The following SEPTIN3 variants were observed in gnomAD, a reference collection of about 807,000 sequenced individuals.
SEPTIN3 encodes the protein septin 3.
SEPTIN3 carries 15 observed loss-of-function variants against 45.1 expected under a neutral mutation model. The observed-to-expected ratio is 0.33, with a 90% CI of 0.22 to 0.51. SEPTIN3 has a LOEUF of 0.51. SEPTIN3 is among the 20% of genes least tolerant of loss of function. The probability of loss-of-function intolerance (pLI) is 0.97; values close to 1 mark genes in which losing one functional copy is unlikely to be tolerated. For synonymous variants in SEPTIN3, 148 were observed against 164.8 expected, an observed-to-expected ratio of 0.90 and a Z score of 0.78; for missense variants, 289 against 457.2, an observed-to-expected ratio of 0.63 and a Z score of 3.35.
intron 3 of SEPTIN3, 69 bp from the exon 4 acceptor site, chr22:41,985,915 T>C (rs1199236892): frequency 2.0e-6 from 3 of 1,510,452 alleles, no homozygotes; most frequent in Admixed American, 2.1e-5. Flanking sequence ...TCTGTAAGCT[T>C]ATGGAGAAAT....
At chr22:41,979,911 A>T (rs1225055596) in intron 2 of SEPTIN3, among the ~76,000 whole-genome samples, 1 of 151,846 alleles carries the variant, frequency 6.6e-6, no homozygotes, top group African/African-American at 2.4e-5. Context: ...TAAGGTTGAG[A>T]CTCTGCAGGG....
At chr22:41,986,664 T>C (rs1212461367) in intron 4 of SEPTIN3, among the ~76,000 whole-genome samples, 1 of 152,050 alleles carries the variant, frequency 6.6e-6, no homozygotes, top group Non-Finnish European at 1.5e-5. Context: ...CACGCCCGGC[T>C]AATTTTTTTT....
chr22:41,979,186 C>T (rs1272349577), intron 2 of SEPTIN3, among the ~76,000 whole-genome samples: 1 of 152,088 alleles, frequency 6.6e-6, no homozygotes, highest in African/African-American at 2.4e-5. Context: ...GTGGTAGCCC[C>T]TAGATGCTGC....
At chr22:41,982,514 A>T (rs1461526524) in intron 3 of SEPTIN3, among the ~76,000 whole-genome samples, 1 of 151,646 alleles carries the variant, frequency 6.6e-6, no homozygotes, top group African/African-American at 2.4e-5. Context: ...GCCTCAAAAC[A>T]AAAAACAAAA....
intron 7 of SEPTIN3, among the ~76,000 whole-genome samples, chr22:41,990,547 C>A (rs1474581582): frequency 7.1e-6 from 1 of 141,604 alleles, no homozygotes; most frequent in Non-Finnish European, 1.5e-5. Flanking sequence ...AGATCAAGAC[C>A]ATCCTGGCTA....
rs2078033338 is a variant in SEPTIN3 at position 41,976,892 on chromosome 22, C to G, written c.1504+3896C>G. The G allele has an allele frequency of 4.8e-6, 1 of 208,784 alleles. No individual in the cohort carries two copies. The highest frequency in any genetic ancestry group is 8.2e-6 in the Non-Finnish European group (1 of 121,344). The allele number at this position is 208,784 out of a possible 1,614,324, so 12.9% of individuals were successfully genotyped here. A position where few individuals can be genotyped will look rare whatever the true frequency, so the allele number is the denominator to read the frequency against. On this transcript the variant is annotated intron_variant, in intron 2 of 11. Transcript: ENST00000644076. This position sits in a 1 kb window ranked among gnomAD's most constrained non-coding sequence, Gnocchi z 5.8. ...AGGTCCCGGGGAGGGCGCGGCGGCG[C>G]GGGGCGCAGGGGCGGCGCGGCGGGG...
chr22:41,977,037 C>A, intron 2 of SEPTIN3: 1 of 1,599,276 alleles, frequency 6.3e-7, no homozygotes, highest in Non-Finnish European at 8.5e-7. Flanking sequence ...GAGCATCTCC[C>A]TGGAGGAACG....
chr22:41,972,106 T>C lies in SEPTIN3; in HGVS notation c.614T>C (p.Val205Ala). Residue 205 changes from valine to alanine, a missense_variant, in exon 2 of 12, where the codon GTC becomes GCC. Coordinates refer to ENST00000644076, the MANE Select transcript of SEPTIN3 (RefSeq NM_001363845.2). ...TCCCGGTTAGCCCAGAGTGCACCAG[T>C]CCTTGCAGAGCCAGGCTCGTTGGGC... is the stretch of plus-strand genomic sequence containing the variant. ...FQSRLAQSAPVLAEPGSLGQG... is the reference protein window; with the variant it reads ...FQSRLAQSAPALAEPGSLGQG... 1 of 399,034 alleles carries C rather than the reference T, an allele frequency of 2.5e-6. No homozygotes were observed. The highest frequency in any genetic ancestry group is 3.6e-5 in the East Asian group (1 of 28,068). The allele number at this position is 399,034 out of a possible 1,614,324, so 24.7% of individuals were successfully genotyped here. A position where few individuals can be genotyped will look rare whatever the true frequency, so the allele number is the denominator to read the frequency against.
rs1381681541 is a variant in SEPTIN3, at chr22:41,972,198, C to T, written c.706C>T (p.Arg236Trp). 29 of 398,954 alleles carry T rather than the reference C, an allele frequency of 7.3e-5. No homozygotes were observed. The highest frequency in any genetic ancestry group is 8.8e-5 in the Non-Finnish European group (20 of 226,148). The allele number at this position is 398,954 out of a possible 1,614,324, so 24.7% of individuals were successfully genotyped here. A position where few individuals can be genotyped will look rare whatever the true frequency, so the allele number is the denominator to read the frequency against. The stretch of plus-strand genomic sequence containing the variant: ...AGCTTCTCCAGGAAAAGGCAAGCCC[C>T]GGGCCAGGGGGATCCCCAGACCCCG... Reference protein sequence around the residue: ...TRASPGKGKPRARGIPRPRGR... With the variant: ...TRASPGKGKPWARGIPRPRGR... Residue 236 changes from arginine to tryptophan, a missense_variant, in exon 2 of 12, where the codon CGG becomes TGG. By Grantham distance (101) the Arg-to-Trp change is moderately radical. This residue lies in a region of SEPTIN3 where 200 missense variants were observed against 315.1 expected (regional missense o/e 0.63). Transcript: ENST00000644076.
At chr22:41,987,129 C>T (rs2078222225) in intron 4 of SEPTIN3, 77 bp from the exon 5 acceptor site, 1 of 1,182,048 alleles carries the variant, frequency 8.5e-7, no homozygotes, top group South Asian at 1.5e-5. Flanking sequence ...CCTGGGTCTC[C>T]CTGGCTAGTA....
intron 2 of SEPTIN3, among the ~76,000 whole-genome samples, chr22:41,980,179 C>G (rs1410905397): frequency 8.8e-6 from 1 of 113,592 alleles, no homozygotes; most frequent in Non-Finnish European, 1.6e-5. Flanking sequence ...GACTCTTTTG[C>G]TCAGGCTAGA....
intron 3 of SEPTIN3, among the ~76,000 whole-genome samples, chr22:41,983,336 T>C (rs1361728414): frequency 6.6e-6 from 1 of 152,240 alleles, no homozygotes; most frequent in Non-Finnish European, 1.5e-5. Context: ...GGGACCCTGG[T>C]AGCTGGGCCC....
chr22:41,993,786 G>A (rs962518402), intron 9 of SEPTIN3, among the ~76,000 whole-genome samples: 5 of 152,158 alleles, frequency 3.3e-5, no homozygotes, highest in African/African-American at 9.7e-5. Context: ...GAGCCACAGC[G>A]CCTGGCCCCA....
chr22:41,994,347 A>G lies in SEPTIN3; in HGVS notation c.2411+6A>G. The G allele has an allele frequency of 6.2e-7, 1 of 1,613,960 alleles. No individual in the cohort carries two copies. Among genetic ancestry groups the G allele is most frequent in the East Asian group, 2.2e-5 (1 of 44,890 alleles). ...CTTCGAGACTTTGTCATCAGGTAAG[A>G]TGTCTCCCCTCCAGCTGTCCAGACA... On this transcript the variant is annotated splice_donor_region_variant and intron_variant, in intron 10 of 11. Coordinates refer to ENST00000644076, the MANE Select transcript of SEPTIN3 (RefSeq NM_001363845.2). This position sits in a 1 kb window ranked among gnomAD's most constrained non-coding sequence, Gnocchi z 4.2.
At chr22:41,992,889 A>C (rs2078341485) in intron 9 of SEPTIN3, 126 bp downstream of exon 9, 1 of 697,766 alleles carries the variant, frequency 1.4e-6, no homozygotes, top group South Asian at 1.6e-5. Context: ...GATTCTGCCC[A>C]TAAGGAGCTT....
intron 11 of SEPTIN3, chr22:41,996,596 CT>C: frequency 8.8e-7 from 1 of 1,130,940 alleles, no homozygotes; most frequent in East Asian, 5.1e-5. Flanking sequence ...AGCCCTCATC[CT>C]CCCTTGCTCA....
chr22:41,996,873 AC>A, intron 11 of SEPTIN3, 28 bp from the exon 12 acceptor site: 1 of 1,612,430 alleles, frequency 6.2e-7, no homozygotes, highest in Non-Finnish European at 8.5e-7. Context: ...TGGTCTCCAC[AC>A]CCTCAACCGT....
At position 41,994,421 on chromosome 22, in the gene SEPTIN3, C is replaced by G; in HGVS notation, c.2411+80C>G. 1 of 1,525,992 alleles carries G rather than the reference C, an allele frequency of 6.6e-7. No individual in the cohort carries two copies. Among genetic ancestry groups the G allele is most frequent in the Non-Finnish European group, 9.1e-7 (1 of 1,103,076 alleles). 94.5% of individuals were successfully genotyped at this position (1,525,992 alleles called of 1,614,324 possible). Reference sequence around the variant, plus strand: ...GGGTCTATCTGTTCAGATTCACCTCCTGCATCTCCAGGTCTCTCTGACAGA... The same window carrying G: ...GGGTCTATCTGTTCAGATTCACCTCGTGCATCTCCAGGTCTCTCTGACAGA... On this transcript the variant is annotated intron_variant, in intron 10 of 11. Coordinates refer to ENST00000644076, the MANE Select transcript of SEPTIN3 (RefSeq NM_001363845.2). This position sits in a 1 kb window ranked among gnomAD's most constrained non-coding sequence, Gnocchi z 4.2.
At chr22:41,991,387 G>A (rs73417062) in intron 7 of SEPTIN3, among the ~76,000 whole-genome samples, 186 bp from the exon 8 acceptor site, 5,883 of 152,212 alleles carry the variant, frequency 0.039, 350 homozygotes, top group African/African-American at 0.13. Context: ...GGTTGTAATT[G>A]TATAGCTGGG....
Sources: gnomAD v4.1 joint callset for allele counts (sites outside exome capture counted in the v4.1 genomes callset) on GRCh38, gnomAD v4.1.1 for gene constraint, gnomAD v4.1.1 regional missense constraint, Gnocchi (gnomAD v3.1) non-coding constraint, MANE v1.5 for transcripts, NCBI Gene and HGNC (gene_info 2026-07-23, HGNC 2026-07-21) for gene names.